Variants in SATB1 observed in about 807,000 individuals in gnomAD.
SATB1 encodes the protein DNA-binding protein SATB1.
In SATB1, 11 loss-of-function variants were observed where a neutral mutation model predicts 86.9. That is an observed-to-expected ratio of 0.13 (90% CI 0.08 to 0.21). The LOEUF (loss-of-function observed/expected upper bound fraction) is 0.21. SATB1 is among the 10% of genes least tolerant of loss of function. SATB1 has a pLI of 1.00. For missense variants in SATB1, 551 were observed against 937.6 expected (o/e 0.59, Z 5.39); for synonymous variants, 357 against 357.2 (o/e 1.00, Z 0.01).
At chr3:18,374,614 T>A (rs1351581021) in intron 9 of SATB1, among the ~76,000 whole-genome samples, 2 of 152,208 alleles carry the variant, frequency 1.3e-5, no homozygotes, top group African/African-American at 2.4e-5. Flanking sequence ...GCATATTTTA[T>A]CAGACGTTTC....
upstream of SATB1, among the ~76,000 whole-genome samples, chr3:18,442,175 G>A (rs773773472): frequency 3.3e-5 from 5 of 150,212 alleles, no homozygotes; most frequent in South Asian, 2.1e-4. Flanking sequence ...TCTTCCCCCC[G>A]CCCCCCATCC....
intron 7 of SATB1, among the ~76,000 whole-genome samples, chr3:18,393,023 C>G (rs2125112456): frequency 6.6e-6 from 1 of 150,756 alleles, no homozygotes; most frequent in Non-Finnish European, 1.5e-5. Flanking sequence ...GAATTAGAGG[C>G]TTTGTCAGGT....
upstream of SATB1, among the ~76,000 whole-genome samples, chr3:18,439,408 T>C (rs1207627487): frequency 1.3e-5 from 2 of 152,216 alleles, no homozygotes; most frequent in East Asian, 3.8e-4. Flanking sequence ...TGTATCTATT[T>C]ACTCTGAAAT....
At position 18,394,455 on chromosome 3, in the gene SATB1, A is replaced by T. The variant is rs1385514143; in HGVS notation, c.1206+7T>A. 6.2e-7 allele frequency: 1 copy of T among 1,613,402 alleles called. No individual in the cohort carries two copies. ...CAGCACAGAACCACTTATGAAACAC[A>T]ACTGACCTGAGTTCTGTTAAAAGCC... On this transcript the variant is annotated splice_region_variant and intron_variant, in intron 7 of 10. Transcript: ENST00000338745. The surrounding 1 kb of genome is among the most constrained non-coding windows in gnomAD (Gnocchi z 5.9).
chr3:18,408,878 T>G (rs1697687159), intron 5 of SATB1: 1 of 151,978 alleles, frequency 6.6e-6, no homozygotes, highest in South Asian at 2.1e-4. Flanking sequence ...CATGATTTGT[T>G]TAAGTTGTTT....
intron 8 of SATB1, among the ~76,000 whole-genome samples, chr3:18,380,731 T>C (rs1310814844): frequency 6.6e-6 from 1 of 152,122 alleles, no homozygotes; most frequent in Non-Finnish European, 1.5e-5. Flanking sequence ...ATTTTTTTTT[T>C]TCCTAAACAC....
intron 2 of SATB1, among the ~76,000 whole-genome samples, chr3:18,436,027 T>C (rs1315410303): frequency 1.3e-5 from 2 of 152,206 alleles, no homozygotes; most frequent in Admixed American, 6.5e-5. Flanking sequence ...GTGTCTTTTT[T>C]AGATAACTTT....
chr3:18,414,638 A>T (rs1238229775), intron 5 of SATB1, among the ~76,000 whole-genome samples: 2 of 152,068 alleles, frequency 1.3e-5, no homozygotes, highest in Non-Finnish European at 2.9e-5. Flanking sequence ...GTACTAAAAT[A>T]CTTTTAATTT....
chr3:18,349,625 G>C lies in SATB1; in HGVS notation c.1837C>G (p.Gln613Glu). Residue 613 changes from glutamine (Q) to glutamate (E), a missense_variant, in exon 11 of 11, where the codon CAG becomes GAG. By Grantham distance (29) the Gln-to-Glu change is conservative. Around this residue, in one of 8 missense-constraint regions of SATB1, gnomAD observed 87 missense variants for 103.6 expected, o/e 0.84. Transcript: ENST00000338745. This position sits in a 1 kb window ranked among gnomAD's most constrained non-coding sequence, Gnocchi z 5.5. ...CCTGTCTGTGGCTGCTGCTGTGGCT[G>C]TGGAGGCGGCGGTGCCTGCTGCTGC... Reference protein sequence around the residue: ...QQQQQAPPPPQPQQQPQTGPR... With the variant: ...QQQQQAPPPPEPQQQPQTGPR... The C allele has an allele frequency of 6.2e-7, 1 of 1,613,296 alleles. No homozygotes were observed. The highest frequency in any genetic ancestry group is 2.2e-5 in the East Asian group (1 of 44,878).
chr3:18,404,473 C>T (rs1697420208), intron 5 of SATB1, among the ~76,000 whole-genome samples: 1 of 151,996 alleles, frequency 6.6e-6, no homozygotes, highest in African/African-American at 2.4e-5. Context: ...GTAACCCTGG[C>T]ACATTGCTAA....
chr3:18,385,998 T>C (rs1467773430), intron 8 of SATB1, among the ~76,000 whole-genome samples: 1 of 152,174 alleles, frequency 6.6e-6, no homozygotes, highest in Non-Finnish European at 1.5e-5. Flanking sequence ...CTGGAAAGTA[T>C]AAATACAAAT....
chr3:18,392,197 G>GA (rs986733751), intron 7 of SATB1, among the ~76,000 whole-genome samples: 2 of 151,430 alleles, frequency 1.3e-5, no homozygotes, highest in African/African-American at 4.8e-5. Context: ...TCCTCTCACA[G>GA]AAAAAAAAGT....
chr3:18,426,082 G>C (rs1251837743), upstream of SATB1, among the ~76,000 whole-genome samples: 1 of 152,206 alleles, frequency 6.6e-6, no homozygotes, highest in African/African-American at 2.4e-5. This position sits in a 1 kb window ranked among gnomAD's most constrained non-coding sequence, Gnocchi z 4.2. Context: ...AGTGGCTGGA[G>C]GGGTACAGAC....
In SATB1 at chr3:18,352,836, A is replaced by G. The variant is rs1694438333; in HGVS notation, c.1576-641T>C. On this transcript the variant is annotated intron_variant, in intron 9 of 10. Coordinates refer to ENST00000338745, the MANE Select transcript of SATB1 (RefSeq NM_002971.6). The surrounding 1 kb of genome is among the most constrained non-coding windows in gnomAD (Gnocchi z 4.1). ...TTTCCGCCTGCTGCAGTGGGAGCAT[A>G]TGATTTGTCAGGCAAGAATTTAATA... is the stretch of plus-strand genomic sequence containing the variant. The G allele has an allele frequency of 6.6e-6, 1 of 152,556 alleles. No homozygotes were observed. 9.5% of individuals were successfully genotyped at this position (152,556 alleles called of 1,614,324 possible). A position where few individuals can be genotyped will look rare whatever the true frequency, so the allele number is the denominator to read the frequency against.
intron 9 of SATB1, among the ~76,000 whole-genome samples, chr3:18,363,506 T>C (rs756743657): frequency 1.3e-5 from 2 of 152,160 alleles, no homozygotes; most frequent in Non-Finnish European, 2.9e-5. Flanking sequence ...ATCACTCCTC[T>C]GACCACATTT....
rs538205666 is a variant in SATB1, at chr3:18,393,817, A to G, written c.1206+645T>C. The stretch of plus-strand genomic sequence containing the variant: ...ACCTAAAATATTTACTATCTGGTCG[A>G]TAACAGAATAAAGTTTGCTGATGCC... On this transcript the variant is annotated intron_variant, in intron 7 of 10. Coordinates refer to ENST00000338745, the MANE Select transcript of SATB1 (RefSeq NM_002971.6). Among the ~76,000 whole-genome samples the G allele has an allele frequency of 2.0e-5, 3 of 152,352 alleles. No homozygotes were observed. In the South Asian group the frequency reaches 6.2e-4, roughly 32 times the overall value.
At chr3:18,436,506 C>CAAAAAAAA (rs71055011) in intron 2 of SATB1, among the ~76,000 whole-genome samples, 1 of 113,852 alleles carries the variant, frequency 8.8e-6, no homozygotes, top group African/African-American at 3.3e-5. Flanking sequence ...CAGGTGCTAC[C>CAAAAAAAA]AAAAAAAAAA....
Position 18,444,614 on chromosome 3 carries a change from T to C in SATB1, c.-25+904A>G. Reference sequence around the variant, plus strand: ...CAAAAGAGCAGAACTCACTCAGGCATGGACGTTGGGGGCGGCGGTGGCTGT... The same window carrying C: ...CAAAAGAGCAGAACTCACTCAGGCACGGACGTTGGGGGCGGCGGTGGCTGT... On this transcript the variant is annotated intron_variant, in intron 1 of 3. Coordinates refer to the SATB1 transcript ENST00000415069. The surrounding 1 kb of genome is among the most constrained non-coding windows in gnomAD (Gnocchi z 5.1). 2 of 985,092 alleles carry C rather than the reference T, an allele frequency of 2.0e-6. No homozygotes were observed. Among genetic ancestry groups the C allele is most frequent in the Non-Finnish European group, 2.4e-6 (2 of 830,040 alleles). The allele number at this position is 985,092 out of a possible 1,614,324, so 61.0% of individuals were successfully genotyped here. A position where few individuals can be genotyped will look rare whatever the true frequency, so the allele number is the denominator to read the frequency against.
chr3:18,354,341 G>A (rs1157087949), intron 9 of SATB1, among the ~76,000 whole-genome samples: 1 of 152,046 alleles, frequency 6.6e-6, no homozygotes, highest in Non-Finnish European at 1.5e-5. Context: ...TTAACTGTGG[G>A]TGAGATTACT....
Sources: gnomAD v4.1 joint callset for allele counts (sites outside exome capture counted in the v4.1 genomes callset) on GRCh38, gnomAD v4.1.1 for gene constraint, gnomAD v4.1.1 regional missense constraint, Gnocchi (gnomAD v3.1) non-coding constraint, MANE v1.5 for transcripts, NCBI Gene and HGNC (gene_info 2026-07-23, HGNC 2026-07-21) for gene names.